Variants in ME2 observed in about 807,000 individuals in gnomAD.
ME2 encodes the protein malic enzyme 2.
In ME2, 60 loss-of-function variants were observed where a neutral mutation model predicts 73.7. The observed-to-expected ratio is 0.81, with a 90% CI of 0.66 to 1.01. The LOEUF is 1.01. ME2 is among the 50% of genes least tolerant of loss of function. The pLI is 0.00. For synonymous variants in ME2, 199 were observed against 236.9 expected (o/e 0.84, Z 1.47); for missense variants, 594 against 705.5 (o/e 0.84, Z 1.79).
At chr18:50,922,772 A>G (rs1265793036) in intron 10 of ME2, among the ~76,000 whole-genome samples, 1 of 152,086 alleles carries the variant, frequency 6.6e-6, no homozygotes, top group Non-Finnish European at 1.5e-5. Context: ...GGTGATCCTA[A>G]ACACTGCCCT....
At chr18:50,934,173 A>G (rs1917764495) in intron 13 of ME2, 2 of 152,144 alleles carry the variant, frequency 1.3e-5, no homozygotes, top group South Asian at 4.1e-4. Flanking sequence ...AGAATGATTT[A>G]TATTCCTTTG....
intron 1 of ME2, among the ~76,000 whole-genome samples, chr18:50,881,248 G>A (rs1916313810): frequency 6.6e-6 from 1 of 151,980 alleles, no homozygotes. Flanking sequence ...TGTTTTTCAG[G>A]CTGGTCTCGA....
intron 5 of ME2, 21 bp downstream of exon 5, chr18:50,916,264 CT>C: frequency 6.4e-7 from 1 of 1,552,046 alleles, no homozygotes; most frequent in Non-Finnish European, 8.8e-7. Flanking sequence ...CACAACCCTC[CT>C]TTTCACAATG....
At chr18:50,940,223 C>A (rs1427605218) in intron 14 of ME2, 65 bp from the exon 15 acceptor site, 4 of 1,056,202 alleles carry the variant, frequency 3.8e-6, no homozygotes, top group Non-Finnish European at 5.7e-6. Context: ...AATGCTTTTT[C>A]CATTTACTGG....
Position 50,939,645 on chromosome 18 carries a change from A to G in ME2, c.1488+5A>G, listed in dbSNP as rs376046135. The G allele has an allele frequency of 6.3e-6, 10 of 1,578,850 alleles. No homozygotes were observed. In the African/African-American group the frequency reaches 1.2e-4, roughly 19 times the overall value. ...GTTTTCCTAGAAGCTGCAAAGGTAA[A>G]TGTTTTAAATGTTGTTTATTTTATA... On this transcript the variant is annotated splice_donor_5th_base_variant and intron_variant, in intron 14 of 15. Coordinates refer to ENST00000321341, the MANE Select transcript of ME2 (RefSeq NM_002396.5).
chr18:50,898,722 C>A (rs1438583207), intron 2 of ME2, among the ~76,000 whole-genome samples: 1 of 152,106 alleles, frequency 6.6e-6, no homozygotes, highest in Non-Finnish European at 1.5e-5. Flanking sequence ...CATGAGCCAC[C>A]ACACCTGGCC....
chr18:50,914,545 T>C (rs929377254), intron 4 of ME2, among the ~76,000 whole-genome samples: 3 of 152,222 alleles, frequency 2.0e-5, no homozygotes, highest in African/African-American at 7.2e-5. Context: ...TTTTTTTTGT[T>C]GTTCATTTTG....
chr18:50,939,451 G>GT, intron 13 of ME2, 119 bp from the exon 14 acceptor site: 2 of 604,392 alleles, frequency 3.3e-6, no homozygotes, highest in South Asian at 4.4e-5. Flanking sequence ...GCTGTTTTCT[G>GT]TTTGGGGGGA....
intron 12 of ME2, 108 bp downstream of exon 12, chr18:50,926,006 T>C: frequency 1.3e-6 from 1 of 777,222 alleles, no homozygotes; most frequent in South Asian, 1.7e-5. Flanking sequence ...GATTACAGCA[T>C]GCATCTATGG....
chr18:50,900,954 C>T (rs535585704), intron 2 of ME2, among the ~76,000 whole-genome samples: 2 of 152,264 alleles, frequency 1.3e-5, no homozygotes, highest in East Asian at 3.9e-4. Context: ...TTCGTCATAG[C>T]AGCATGAGAA....
intron 2 of ME2, among the ~76,000 whole-genome samples, chr18:50,899,420 C>T (rs1185242613): frequency 2.0e-5 from 3 of 151,968 alleles, no homozygotes; most frequent in African/African-American, 4.8e-5. Context: ...ACCAGCCTGG[C>T]CTGGTCTCTA....
chr18:50,946,904 G>GA lies in ME2; in HGVS notation c.1588-107dup, dbSNP rs1409316874. The stretch of plus-strand genomic sequence containing the variant: ...TCAAAGCAATGTTATTTTTTACTGT[G>GA]AAAAAAGAAGAATGCCATTCTTCTA... On this transcript the variant is annotated intron_variant, in intron 15 of 15. Coordinates refer to ENST00000321341, the MANE Select transcript of ME2 (RefSeq NM_002396.5). 5.2e-6 allele frequency: 4 copies of GA among 775,328 alleles called. No individual in the cohort carries two copies. In the Admixed American group the frequency reaches 7.4e-5, roughly 14 times the overall value. The allele number at this position is 775,328 out of a possible 1,614,324, so 48.0% of individuals were successfully genotyped here.
intron 3 of ME2, among the ~76,000 whole-genome samples, chr18:50,910,704 A>C (rs1161673217): frequency 6.6e-6 from 1 of 152,202 alleles, no homozygotes; most frequent in Non-Finnish European, 1.5e-5. Flanking sequence ...GAAACTCCAC[A>C]AATGAAAACA....
At chr18:50,914,594 A>G (rs983865193) in intron 4 of ME2, among the ~76,000 whole-genome samples, 1 of 152,280 alleles carries the variant, frequency 6.6e-6, no homozygotes, top group South Asian at 2.1e-4. Context: ...TGGTTGGTTG[A>G]TTGATCTAAA....
In ME2 at chr18:50,916,243, G is replaced by A. The variant is rs549441492; in HGVS notation, c.468G>A (p.Lys156=). ...IVDNWPENHV[K]AVVVTDGERI... Reference sequence around the variant, plus strand: ...ATAACTGGCCAGAAAATCATGTTAAGGTACTAATAGCACAACCCTCCTTTT... The same window carrying A: ...ATAACTGGCCAGAAAATCATGTTAAAGTACTAATAGCACAACCCTCCTTTT... Residue 156 remains lysine, a splice_region_variant and synonymous_variant, in exon 5 of 16, where the codon AAG becomes AAA. Transcript: ENST00000321341. The A allele has an allele frequency of 1.2e-6, 2 of 1,604,306 alleles. No individual in the cohort carries two copies. The highest frequency in any genetic ancestry group is 4.5e-5 in the East Asian group (2 of 44,672).
Position 50,890,862 on chromosome 18 carries a change from C to T in ME2, c.-12-4947C>T, listed in dbSNP as rs1916591718. Among the ~76,000 whole-genome samples the T allele has an allele frequency of 3.3e-5, 5 of 152,310 alleles. No homozygotes were observed. The South Asian group carries it at 8.3e-4, about 25-fold the overall frequency. Reference sequence around the variant, plus strand: ...GTTCTGGACAGAGCTATTACGACTACGTCTGGAGGACCCAACCCCTTCTAG... The same window carrying T: ...GTTCTGGACAGAGCTATTACGACTATGTCTGGAGGACCCAACCCCTTCTAG... On this transcript the variant is annotated intron_variant, in intron 1 of 15. Coordinates refer to ENST00000321341, the MANE Select transcript of ME2 (RefSeq NM_002396.5).
chr18:50,910,268 CAAAAAAAAA>C (rs74176794), intron 3 of ME2, among the ~76,000 whole-genome samples: 1 of 35,290 alleles, frequency 2.8e-5, no homozygotes, highest in Admixed American at 4.0e-4. Flanking sequence ...CCTGTTTCTA[CAAAAAAAAA>C]AAAAAAAAAA....
At chr18:50,946,400 C>T (rs77286023) in intron 15 of ME2, among the ~76,000 whole-genome samples, 1,762 of 152,236 alleles carry the variant, frequency 0.012, 36 homozygotes, top group African/African-American at 0.041. Context: ...CTACCTTGGG[C>T]AAGTTACTTA....
chr18:50,885,591 G>A (rs926842363), intron 1 of ME2, among the ~76,000 whole-genome samples: 3 of 151,332 alleles, frequency 2.0e-5, no homozygotes, highest in African/African-American at 7.3e-5. Context: ...TCATCACTTA[G>A]CAGAGTATCA....
Sources: gnomAD v4.1 joint callset for allele counts (sites outside exome capture counted in the v4.1 genomes callset) on GRCh38, gnomAD v4.1.1 for gene constraint, MANE v1.5 for transcripts, NCBI Gene and HGNC (gene_info 2026-07-23, HGNC 2026-07-21) for gene names.